MBNL2: variants seen among roughly 807,000 people sequenced by gnomAD.
The protein encoded by MBNL2 is muscleblind-like protein 2.
MBNL2 carries 17 observed loss-of-function variants against 41.9 expected under a neutral mutation model. The ratio of observed to expected loss-of-function variants is 0.41; its 90% confidence interval spans 0.28 to 0.61. The LOEUF (loss-of-function observed/expected upper bound fraction) is 0.61, where lower values mean the gene tolerates loss of function less well. MBNL2 is among the 20% of genes least tolerant of loss of function. The pLI, the probability that MBNL2 is intolerant of heterozygous loss-of-function variation, is 0.35. For synonymous variants in MBNL2, 195 were observed against 182.9 expected, an observed-to-expected ratio of 1.07 and a Z score of -0.53; for missense variants, 336 against 505.6, an observed-to-expected ratio of 0.66 and a Z score of 3.22.
At chr13:97,332,284 C>G (rs1396498983) in intron 2 of MBNL2, among the ~76,000 whole-genome samples, 1 of 152,170 alleles carries the variant, frequency 6.6e-6, no homozygotes, top group East Asian at 1.9e-4. Context: ...CTCCTCCACC[C>G]CAGCTGATGG....
chr13:97,206,659 G>C, the MBNL2 span, among the ~76,000 whole-genome samples: 70 of 152,162 alleles, frequency 4.6e-4, no homozygotes, highest in Non-Finnish European at 8.4e-4. Flanking sequence ...CATGCTAATA[G>C]TGAGAGAGAT....
At chr13:97,172,288 GCA>G in the MBNL2 span, among the ~76,000 whole-genome samples, 1 of 152,134 alleles carries the variant, frequency 6.6e-6, no homozygotes, top group African/African-American at 2.4e-5. Flanking sequence ...CTAGCCCTGG[GCA>G]CATTCCTATT....
intron 1 of MBNL2, among the ~76,000 whole-genome samples, chr13:97,265,070 C>T (rs2049461667): frequency 6.6e-6 from 1 of 152,144 alleles, no homozygotes; most frequent in Non-Finnish European, 1.5e-5. Flanking sequence ...AATACAAATA[C>T]GTGTTGAATA....
At chr13:97,339,871 G>GTGT (rs142257683) in intron 3 of MBNL2, among the ~76,000 whole-genome samples, 23,277 of 111,018 alleles carry the variant, frequency 0.21, 3,742 homozygotes, top group African/African-American at 0.42. Flanking sequence ...ATTTGTGTGT[G>GTGT]GGCGGGGGGG....
At chr13:97,176,603 T>C in the MBNL2 span, among the ~76,000 whole-genome samples, 1 of 152,034 alleles carries the variant, frequency 6.6e-6, no homozygotes, top group Non-Finnish European at 1.5e-5. Flanking sequence ...TGCAAGAGGG[T>C]AAACAGCATC....
intron 1 of MBNL2, among the ~76,000 whole-genome samples, chr13:97,256,444 C>A (rs76323119): frequency 0.02 from 3,042 of 152,008 alleles, 110 homozygotes; most frequent in African/African-American, 0.07. Context: ...TTGGTTATAG[C>A]AACCAGCATA....
chr13:97,339,875 G>GA (rs567128737), intron 3 of MBNL2, among the ~76,000 whole-genome samples: 1 of 125,472 alleles, frequency 8.0e-6, no homozygotes, highest in African/African-American at 3.2e-5. Flanking sequence ...GTGTGTGGGC[G>GA]GGGGGGGCGT....
intron 8 of MBNL2, among the ~76,000 whole-genome samples, chr13:97,371,917 A>T (rs1594281574): frequency 6.6e-6 from 1 of 152,184 alleles, no homozygotes; most frequent in Non-Finnish European, 1.5e-5. Context: ...CGCTGTTTGG[A>T]CACATGCAAT....
chr13:97,267,789 G>C (rs543727485), intron 1 of MBNL2, among the ~76,000 whole-genome samples: 1 of 152,188 alleles, frequency 6.6e-6, no homozygotes, highest in Non-Finnish European at 1.5e-5. Context: ...AGAAACAGCC[G>C]CTGGGGGCAG....
At chr13:97,142,752 G>A in the MBNL2 span, among the ~76,000 whole-genome samples, 1 of 152,232 alleles carries the variant, frequency 6.6e-6, no homozygotes, top group East Asian at 1.9e-4. Context: ...CCAAGGAATT[G>A]TAACCTGTGG....
At chr13:97,262,783 G>T (rs889662163) in intron 1 of MBNL2, among the ~76,000 whole-genome samples, 40 of 149,104 alleles carry the variant, frequency 2.7e-4, no homozygotes, top group Admixed American at 1.8e-3. Flanking sequence ...AATTTTTTTT[G>T]AGACAGAATC....
At chr13:97,364,402 A>T (rs1000027850) in intron 7 of MBNL2, among the ~76,000 whole-genome samples, 1 of 152,164 alleles carries the variant, frequency 6.6e-6, no homozygotes, top group African/African-American at 2.4e-5. Context: ...ATTGCCAGGC[A>T]CTACTCCTTT....
intron 5 of MBNL2, among the ~76,000 whole-genome samples, chr13:97,352,568 A>T (rs2062599735): frequency 6.6e-6 from 1 of 152,222 alleles, no homozygotes; most frequent in South Asian, 2.1e-4. Context: ...TACATCAAAC[A>T]TCACTGATCA....
intron 2 of MBNL2, among the ~76,000 whole-genome samples, chr13:97,310,613 T>C (rs1254710523): frequency 6.6e-6 from 1 of 151,838 alleles, no homozygotes; most frequent in East Asian, 1.9e-4. Flanking sequence ...GTATTTTTAG[T>C]AGAGACAGGG....
At chr13:97,144,107 G>C in the MBNL2 span, among the ~76,000 whole-genome samples, 1 of 152,168 alleles carries the variant, frequency 6.6e-6, no homozygotes, top group African/African-American at 2.4e-5. Context: ...GCCTCCCAAA[G>C]CACTAGGATT....
chr13:97,186,657 G>A, the MBNL2 span, among the ~76,000 whole-genome samples: 20 of 152,174 alleles, frequency 1.3e-4, 1 homozygote, highest in South Asian at 3.9e-3. Flanking sequence ...GTCTAAACAC[G>A]GGATCTGCCA....
At chr13:97,149,850 AG>A in the MBNL2 span, among the ~76,000 whole-genome samples, 28 of 152,272 alleles carry the variant, frequency 1.8e-4, no homozygotes, top group Middle Eastern at 6.8e-3. Context: ...ATTTCCTAAG[AG>A]GGCAGATGCC....
chr13:97,233,756 G>C (rs1594068521), intron 1 of MBNL2, among the ~76,000 whole-genome samples: 1 of 151,922 alleles, frequency 6.6e-6, no homozygotes, highest in African/African-American at 2.4e-5. Context: ...CTGCCTCTGG[G>C]GCTGCTGGGA....
chr13:97,175,423 G>T, the MBNL2 span, among the ~76,000 whole-genome samples: 3 of 152,146 alleles, frequency 2.0e-5, no homozygotes, highest in Non-Finnish European at 4.4e-5. Context: ...AGGAAAACGG[G>T]TGCAAAGATG....
Sources: gnomAD v4.1 joint callset for allele counts (sites outside exome capture counted in the v4.1 genomes callset) on GRCh38, gnomAD v4.1.1 for gene constraint, MANE v1.5 for transcripts, NCBI Gene and HGNC (gene_info 2026-07-23, HGNC 2026-07-21) for gene names.